Variants in GPR19 observed in about 807,000 individuals in gnomAD.
The protein encoded by GPR19 is G protein-coupled receptor 19, also known as probable G protein-coupled receptor 19.
A neutral mutation model predicts 28.5 loss-of-function variants in GPR19; 14 were observed. The ratio of observed to expected loss-of-function variants is 0.49; its 90% CI spans 0.32 to 0.77. The LOEUF (loss-of-function observed/expected upper bound fraction) is 0.77, where lower values mean the gene tolerates loss of function less well. GPR19 is among the 30% of genes least tolerant of loss of function. The pLI is 0.03. For synonymous variants in GPR19, 173 were observed against 184.1 expected (o/e 0.94, Z 0.49); for missense variants, 409 against 504.1 (o/e 0.81, Z 1.81).
upstream of GPR19, among the ~76,000 whole-genome samples, chr12:12,700,400 A>G (rs530576576): frequency 3.3e-5 from 5 of 152,192 alleles, no homozygotes; most frequent in African/African-American, 4.8e-5. Flanking sequence ...AGGGCAAAAA[A>G]TGTTTCCCAT....
intron 2 of GPR19, chr12:12,688,441 A>C (rs980778218): frequency 6.6e-6 from 1 of 152,200 alleles, no homozygotes; most frequent in Non-Finnish European, 1.5e-5. Context: ...ATAATATTCT[A>C]CAAGAGAACT....
upstream of GPR19, among the ~76,000 whole-genome samples, chr12:12,697,457 AAAC>A (rs1385583532): frequency 6.6e-6 from 1 of 152,214 alleles, no homozygotes; most frequent in Non-Finnish European, 1.5e-5. Flanking sequence ...TGTGCTCAAA[AAAC>A]AACCTTAAAT....
chr12:12,706,482 C>T, the GPR19 span, among the ~76,000 whole-genome samples: 15 of 152,194 alleles, frequency 9.9e-5, no homozygotes, highest in Non-Finnish European at 1.9e-4. Flanking sequence ...GCTTTAATAT[C>T]ATCTGAATGC....
the GPR19 span, chr12:12,715,024 T>A: frequency 2.0e-5 from 3 of 152,208 alleles, no homozygotes; most frequent in African/African-American, 7.2e-5. Flanking sequence ...AGATTCAGCA[T>A]GTGAAGGGGA....
intron 1 of GPR19, among the ~76,000 whole-genome samples, 165 bp from the exon 2 acceptor site, chr12:12,695,676 C>T (rs1052379138): frequency 2.0e-5 from 3 of 152,204 alleles, no homozygotes; most frequent in Non-Finnish European, 4.4e-5. Context: ...GTCCCGATTT[C>T]CACCTTATAT....
the GPR19 span, among the ~76,000 whole-genome samples, chr12:12,704,808 G>A: frequency 8.5e-5 from 13 of 152,260 alleles, no homozygotes; most frequent in African/African-American, 2.9e-4. Flanking sequence ...TTCCGAATTG[G>A]GGGAGGGTAG....
intron 3 of GPR19, 98 bp from the exon 4 acceptor site, chr12:12,662,568 T>C (rs559554009): frequency 2.7e-5 from 25 of 921,982 alleles, no homozygotes; most frequent in South Asian, 1.8e-4. Flanking sequence ...ACATTTACAT[T>C]GATTGTCATT....
At chr12:12,707,293 G>A in the GPR19 span, among the ~76,000 whole-genome samples, 6 of 152,178 alleles carry the variant, frequency 3.9e-5, no homozygotes, top group South Asian at 4.2e-4. Context: ...ATTACCCTCC[G>A]TACTCTTAAT....
At chr12:12,665,104 A>G (rs1015839489) in intron 3 of GPR19, among the ~76,000 whole-genome samples, 2 of 152,166 alleles carry the variant, frequency 1.3e-5, no homozygotes, top group Non-Finnish European at 2.9e-5. Flanking sequence ...AAAATAAACT[A>G]AAACAGACAA....
rs981326297 is a variant in GPR19, at chr12:12,696,163, G to C, written c.-331C>G. The stretch of plus-strand genomic sequence containing the variant: ...ACGGACACTCCCCAAGGGCCAAATC[G>C]GACCGCCTCTCACTAGGCGGAAAGT... On this transcript the variant is annotated 5_prime_UTR_variant, in exon 1 of 4. Transcript: ENST00000651487. The C allele has an allele frequency of 6.6e-5, 10 of 152,056 alleles. No homozygotes were observed. The highest frequency in any genetic ancestry group is 5.2e-4 in the Admixed American group (8 of 15,262). 9.4% of individuals were successfully genotyped at this position (152,056 alleles called of 1,614,324 possible).
At chr12:12,685,275 T>TC (rs1389247859) in intron 2 of GPR19, among the ~76,000 whole-genome samples, 1 of 144,470 alleles carries the variant, frequency 6.9e-6, no homozygotes, top group Non-Finnish European at 1.6e-5. Flanking sequence ...CTTTTTTTTT[T>TC]TTTTGGTGGG....
At chr12:12,672,287 TA>T (rs1235183609) in intron 3 of GPR19, among the ~76,000 whole-genome samples, 2 of 152,298 alleles carry the variant, frequency 1.3e-5, no homozygotes, top group African/African-American at 4.8e-5. Context: ...CACGGATGTA[TA>T]AAGAATACTA....
intron 2 of GPR19, among the ~76,000 whole-genome samples, chr12:12,685,265 C>CTTTTTT (rs11412017): frequency 7.1e-6 from 1 of 140,058 alleles, no homozygotes. Context: ...TAAATATGGT[C>CTTTTTT]TTTTTTTTTT....
the GPR19 span, chr12:12,717,074 C>G: frequency 2.0e-6 from 2 of 1,009,202 alleles, no homozygotes; most frequent in Non-Finnish European, 2.4e-6. Context: ...CCCCGAACCT[C>G]AGGCCCCGCC....
chr12:12,696,262 C>T (rs1207883953), upstream of GPR19: 3 of 151,236 alleles, frequency 2.0e-5, no homozygotes, highest in South Asian at 2.1e-4. Flanking sequence ...TGGCGCTTCT[C>T]CTCAGGCAGA....
chr12:12,699,097 C>A (rs925001491), upstream of GPR19, among the ~76,000 whole-genome samples: 1 of 151,990 alleles, frequency 6.6e-6, no homozygotes, highest in African/African-American at 2.4e-5. Flanking sequence ...AATCTCAGCA[C>A]TTTGGGAGGT....
chr12:12,714,528 C>T, the GPR19 span, among the ~76,000 whole-genome samples: 1 of 152,144 alleles, frequency 6.6e-6, no homozygotes, highest in South Asian at 2.1e-4. Flanking sequence ...GCTTATGGGA[C>T]GCTTCTCAGC....
At chr12:12,675,009 T>C (rs1032246130) in intron 3 of GPR19, among the ~76,000 whole-genome samples, 2 of 152,120 alleles carry the variant, frequency 1.3e-5, no homozygotes, top group African/African-American at 4.8e-5. Flanking sequence ...TGATGAAGAA[T>C]GGCTCATCTA....
chr12:12,681,680 T>C (rs1357461657), intron 3 of GPR19, among the ~76,000 whole-genome samples: 1 of 152,166 alleles, frequency 6.6e-6, no homozygotes, highest in Non-Finnish European at 1.5e-5. Context: ...CAGCAGGTAA[T>C]GTTTGAGGTG....
Sources: allele counts gnomAD v4.1 joint callset (sites outside exome capture counted in the v4.1 genomes callset), GRCh38; gene constraint gnomAD v4.1.1; transcripts MANE v1.5; gene names NCBI Gene and HGNC (gene_info 2026-07-23, HGNC 2026-07-21).